SNX29: variants seen among roughly 807,000 people sequenced by gnomAD.
SNX29 encodes sorting nexin-29.
Under a neutral mutation model 102.1 loss-of-function variants are expected in SNX29, and 78 were observed. The ratio of observed to expected loss-of-function variants is 0.76; its 90% confidence interval spans 0.64 to 0.92. SNX29 has a LOEUF of 0.92. SNX29 is among the 40% of genes least tolerant of loss of function. The probability of loss-of-function intolerance (pLI) is 0.00; values close to 1 mark genes in which losing one functional copy is unlikely to be tolerated. For missense variants in SNX29, 1,280 were observed against 1,061.7 expected, an observed-to-expected ratio of 1.21 and a Z score of -2.86; for synonymous variants, 580 against 414.5, an observed-to-expected ratio of 1.40 and a Z score of -4.85.
chr16:11,988,954 A>G (rs1302061783), intron 1 of SNX29, among the ~76,000 whole-genome samples: 1 of 152,028 alleles, frequency 6.6e-6, no homozygotes, highest in African/African-American at 2.4e-5. Context: ...TACAGGAAAT[A>G]CTTGCCAATC....
chr16:12,536,911 G>T (rs909622502), intron 20 of SNX29, among the ~76,000 whole-genome samples: 2 of 152,158 alleles, frequency 1.3e-5, no homozygotes, highest in East Asian at 1.9e-4. Context: ...GGGAGGTGGA[G>T]GTTGCAGTGA....
At chr16:12,296,394 C>T (rs1040068897) in intron 15 of SNX29, among the ~76,000 whole-genome samples, 7 of 150,198 alleles carry the variant, frequency 4.7e-5, no homozygotes, top group African/African-American at 1.8e-4. Flanking sequence ...AAGAAATTTC[C>T]TACAATTTTT....
intron 15 of SNX29, among the ~76,000 whole-genome samples, chr16:12,310,149 A>T (rs1462104422): frequency 1.3e-5 from 2 of 149,176 alleles, no homozygotes; most frequent in Non-Finnish European, 3.0e-5. Flanking sequence ...CACACTGCAT[A>T]GTTGACATAT....
At chr16:12,008,070 T>C (rs1462379246) in intron 3 of SNX29, among the ~76,000 whole-genome samples, 15 of 151,898 alleles carry the variant, frequency 9.9e-5, no homozygotes, top group Non-Finnish European at 2.1e-4. Context: ...CAGCCTCCCA[T>C]GTAGCTGGGA....
At chr16:12,260,569 G>A (rs929951357) in intron 14 of SNX29, among the ~76,000 whole-genome samples, 1 of 152,170 alleles carries the variant, frequency 6.6e-6, no homozygotes, top group African/African-American at 2.4e-5. Flanking sequence ...CATGTGGGGT[G>A]GGGGCATCCA....
intron 18 of SNX29, among the ~76,000 whole-genome samples, chr16:12,425,242 GGA>G (rs2085017250): frequency 6.6e-6 from 1 of 152,224 alleles, no homozygotes; most frequent in Non-Finnish European, 1.5e-5. Flanking sequence ...TGAGGGGTCA[GGA>G]GAGAGCAGAA....
intron 13 of SNX29, among the ~76,000 whole-genome samples, chr16:12,180,693 G>A (rs1172169880): frequency 1.3e-5 from 2 of 152,162 alleles, no homozygotes; most frequent in Non-Finnish European, 2.9e-5. Flanking sequence ...CACCGTGTAA[G>A]CCAGGATGGT....
intron 15 of SNX29, among the ~76,000 whole-genome samples, chr16:12,295,584 A>G (rs2079953283): frequency 6.6e-6 from 1 of 152,172 alleles, no homozygotes; most frequent in Admixed American, 6.5e-5. Context: ...CCTTGGAGTG[A>G]CTCACAGGTT....
intron 20 of SNX29, chr16:12,526,607 C>A: frequency 1.9e-6 from 1 of 532,832 alleles, no homozygotes; most frequent in Non-Finnish European, 3.6e-6. Context: ...AGTTCTCATC[C>A]TCTTAGCGGC....
intron 20 of SNX29, among the ~76,000 whole-genome samples, chr16:12,529,322 G>C (rs566813059): frequency 1.3e-5 from 2 of 152,140 alleles, no homozygotes; most frequent in Non-Finnish European, 2.9e-5. Context: ...TGTGTTCGTC[G>C]TCTGACATTT....
At chr16:12,190,544 A>G (rs1037990930) in intron 13 of SNX29, among the ~76,000 whole-genome samples, 2 of 152,190 alleles carry the variant, frequency 1.3e-5, no homozygotes, top group Non-Finnish European at 2.9e-5. Flanking sequence ...TTGAGGAGAC[A>G]CTTGCAAAAT....
In SNX29 at chr16:12,570,261, T is replaced by G. The variant is rs2079158835; in HGVS notation, c.*1632T>G. ...GAGACCAAATGAGCTGGAGCATGTATGGAGGTGCGGACCCTGCAGTCAGTT... is the reference window on the plus strand; with the variant it reads ...GAGACCAAATGAGCTGGAGCATGTAGGGAGGTGCGGACCCTGCAGTCAGTT... On this transcript the variant is annotated 3_prime_UTR_variant, in exon 21 of 21. Transcript: ENST00000566228. The G allele has an allele frequency of 9.4e-7, 1 of 1,064,854 alleles. No homozygotes were observed. Among genetic ancestry groups the G allele is most frequent in the African/African-American group, 1.6e-5 (1 of 61,000 alleles). The allele number at this position is 1,064,854 out of a possible 1,614,324, so 66.0% of individuals were successfully genotyped here.
At position 12,002,015 on chromosome 16, in the gene SNX29, A is replaced by ATTT. The variant is rs67366263; in HGVS notation, c.70-964_70-962dup. Among the ~76,000 whole-genome samples, 1,237 of 147,426 alleles carry ATTT rather than the reference A, an allele frequency of 8.4e-3. 6 individuals are homozygous for ATTT. The highest frequency in any genetic ancestry group is 0.017 in the African/African-American group (689 of 40,022). ...AGCCTCGGTGACAGAGAGAGACCCTATTTTTTTTTTTTTTAAAGAAAATTA... is the reference window on the plus strand; with the variant it reads ...AGCCTCGGTGACAGAGAGAGACCCTATTTTTTTTTTTTTTTTTAAAGAAAATTA... On this transcript the variant is annotated intron_variant, in intron 2 of 20. Coordinates refer to ENST00000566228, the MANE Select transcript of SNX29 (RefSeq NM_032167.5).
chr16:12,036,420 C>T (rs1320441441), intron 4 of SNX29, among the ~76,000 whole-genome samples: 8 of 150,766 alleles, frequency 5.3e-5, no homozygotes, highest in South Asian at 2.1e-4. Flanking sequence ...CTGCCAGCTC[C>T]GCCTCCCGGA....
intron 20 of SNX29, among the ~76,000 whole-genome samples, chr16:12,542,025 TTTTC>T (rs2077365030): frequency 1.3e-5 from 2 of 152,022 alleles, no homozygotes; most frequent in Non-Finnish European, 2.9e-5. Flanking sequence ...CCGCTCTGTT[TTTTC>T]TTTTTTTAAT....
intron 20 of SNX29, among the ~76,000 whole-genome samples, chr16:12,566,945 A>G (rs1434830887): frequency 6.6e-6 from 1 of 152,250 alleles, no homozygotes; most frequent in Non-Finnish European, 1.5e-5. Flanking sequence ...TCAGGGTGTC[A>G]AACTTGAAAC....
intron 14 of SNX29, among the ~76,000 whole-genome samples, chr16:12,245,796 G>C (rs1469439123): frequency 1.3e-5 from 2 of 151,816 alleles, no homozygotes; most frequent in Non-Finnish European, 2.9e-5. Context: ...TGTGGTTGAT[G>C]GTGAGGGTAG....
intron 20 of SNX29, 68 bp from the exon 21 acceptor site, chr16:12,568,438 C>A (rs79129526): frequency 3.0e-5 from 48 of 1,586,190 alleles, no homozygotes; most frequent in Non-Finnish European, 4.1e-5. Flanking sequence ...ACCTGGCTCC[C>A]CTTCCTGGCC....
At chr16:12,388,255 C>T (rs1396782101) in intron 16 of SNX29, among the ~76,000 whole-genome samples, 1 of 152,184 alleles carries the variant, frequency 6.6e-6, no homozygotes, top group East Asian at 1.9e-4. Context: ...TGAATTATTG[C>T]TGTGTCTGTG....
Sources: gnomAD v4.1 joint callset for allele counts (sites outside exome capture counted in the v4.1 genomes callset) on GRCh38, gnomAD v4.1.1 for gene constraint, MANE v1.5 for transcripts, NCBI Gene and HGNC (gene_info 2026-07-23, HGNC 2026-07-21) for gene names.